The following INSRR variants were observed in gnomAD, a reference collection of about 807,000 sequenced individuals.
INSRR encodes the protein insulin receptor related receptor, also known as insulin receptor-related protein.
INSRR carries 114 observed loss-of-function variants against 130.0 expected under a neutral mutation model. The ratio of observed to expected loss-of-function variants is 0.88; its 90% confidence interval spans 0.75 to 1.02. INSRR has a LOEUF of 1.02. INSRR is among the 50% of genes least tolerant of loss of function. The pLI is 0.00. For synonymous variants in INSRR, 674 were observed against 705.2 expected, an observed-to-expected ratio of 0.96 and a Z score of 0.70; for missense variants, 1,657 against 1,735.2, an observed-to-expected ratio of 0.95 and a Z score of 0.80.
chr1:156,856,459 C>G, intron 1 of INSRR, among the ~76,000 whole-genome samples: 1 of 152,212 alleles, frequency 6.6e-6, no homozygotes, highest in East Asian at 1.9e-4. Flanking sequence ...TTCAGTTCCT[C>G]AGCCTGACAT....
chr1:156,851,672 C>T lies in INSRR; in HGVS notation c.1058G>A (p.Ser353Asn). The change falls in exon 4 of 22, where the codon AGC becomes AAC. Residue 353 changes from serine to asparagine, a missense_variant. By Grantham distance (46) the Ser-to-Asn change is conservative (BLOSUM62 1). Coordinates refer to ENST00000368195, the MANE Select transcript of INSRR (RefSeq NM_014215.3). ...DLVGCTHVEG[S>N]LILNLRQGYN... is the part of the protein sequence containing the mutation. ...GCCCTGGCGAAGGTTGAGGATGAGG[C>T]TTCCCTCCACATGCGTGCAGCCCAC... The T allele has an allele frequency of 6.2e-7, 1 of 1,614,220 alleles. No homozygotes were observed. Among genetic ancestry groups the T allele is most frequent in the South Asian group, 1.1e-5 (1 of 91,078 alleles).
intron 10 of INSRR, 70 bp from the exon 11 acceptor site, chr1:156,845,483 G>A: frequency 6.6e-7 from 1 of 1,508,152 alleles, no homozygotes; most frequent in Non-Finnish European, 8.8e-7. Context: ...AGCGCGTACC[G>A]CCTCCAAAAG....
chr1:156,852,690 G>A (rs530247319), intron 2 of INSRR, among the ~76,000 whole-genome samples: 1 of 152,352 alleles, frequency 6.6e-6, no homozygotes, highest in African/African-American at 2.4e-5. Flanking sequence ...AAGCAGCAGT[G>A]GGAGGGTTTG....
intron 5 of INSRR, among the ~76,000 whole-genome samples, chr1:156,850,534 CTT>C (rs35237064): frequency 3.4e-3 from 198 of 58,550 alleles, no homozygotes; most frequent in African/African-American, 0.01. Flanking sequence ...TTAAAACATT[CTT>C]TTTTTTTTTT....
At position 156,851,994 on chromosome 1, in the gene INSRR, G is replaced by A. The variant is rs150841787; in HGVS notation, c.835C>T (p.Arg279Cys). ...YESWRCVTAE[R>C]CASLHSVPGR... Reference sequence around the variant, plus strand: ...GGCACAGAGTGCAGGCTGGCACAGCGCTCAGCTGTGACACAGCGCCAGGAC... The same window carrying A: ...GGCACAGAGTGCAGGCTGGCACAGCACTCAGCTGTGACACAGCGCCAGGAC... The change falls in exon 3 of 22, where the codon CGC (arginine) becomes TGC (cysteine). Residue 279 changes from arginine to cysteine, a missense_variant. Physicochemically the swap from Arg to Cys is radical, Grantham distance 180. Transcript: ENST00000368195. The A allele has an allele frequency of 1.1e-4, 180 of 1,612,076 alleles. No homozygotes were observed. In the African/African-American group the frequency reaches 2.0e-3, roughly 18 times the overall value.
Position 156,845,400 on chromosome 1 carries a change from C to T in INSRR, c.2188G>A (p.Val730Met), listed in dbSNP as rs777770717. The T allele has an allele frequency of 3.2e-6, 5 of 1,562,666 alleles. No homozygotes were observed. Among genetic ancestry groups the T allele is most frequent in the Non-Finnish European group, 2.6e-6 (3 of 1,152,416 alleles). Residue 730 changes from valine (V) to methionine (M), a missense_variant, in exon 11 of 22, where the codon GTG (valine) becomes ATG (methionine). By Grantham distance (21) the Val-to-Met change is conservative. Transcript: ENST00000368195. ...AITIPISPWK[V>M]TSINKSPQRD... ...TGGGGGCTCTTGTTGATGGACGTCA[C>T]CTTCCAAGGGGATCTGGGGAGGCCA...
At chr1:156,853,404 C>T (rs1655296220) in intron 2 of INSRR, among the ~76,000 whole-genome samples, 1 of 152,208 alleles carries the variant, frequency 6.6e-6, no homozygotes, top group African/African-American at 2.4e-5. Context: ...AGTGGTAGAG[C>T]TGAGACTTGA....
At position 156,842,411 on chromosome 1, in the gene INSRR, C is replaced by T. The variant is rs779010804; in HGVS notation, c.3224G>A (p.Arg1075Gln). 3.8e-5 allele frequency: 62 copies of T among 1,613,900 alleles called. No homozygotes were observed. In the South Asian group the frequency reaches 4.3e-4, roughly 11 times the overall value. ...CCTGGTCCCTACCTCTGCCTCAGGC[C>T]GCAAAGATCGAAGATGGCTCTTGAG... Reference protein sequence around the residue: ...GDLKSHLRSLRPEAENNPGLP... With the variant: ...GDLKSHLRSLQPEAENNPGLP... The change falls in exon 18 of 22, where the codon CGG becomes CAG. Residue 1075 changes from arginine to glutamine, a missense_variant. By Grantham distance (43) the Arg-to-Gln change is conservative (BLOSUM62 1). Transcript: ENST00000368195.
Position 156,845,625 on chromosome 1 carries a change from A to C in INSRR, c.2168T>G (p.Ile723Ser). The C allele has an allele frequency of 2.2e-6, 3 of 1,391,754 alleles. No individual in the cohort carries two copies. The highest frequency in any genetic ancestry group is 1.9e-6 in the Non-Finnish European group (2 of 1,048,062). The allele number at this position is 1,391,754 out of a possible 1,614,324, so 86.2% of individuals were successfully genotyped here. ...FENFLHNAIT[I>S]PISPWKVTSI... ...CCGCGCGCGCTCTTCGCACATGGGG[A>C]TGGTGATCGCGTTGTGTAGAAAGTT... The change falls in exon 10 of 22, where the codon ATC becomes AGC. Residue 723 changes from isoleucine (I) to serine (S), a missense_variant. Transcript: ENST00000368195.
intron 8 of INSRR, 22 bp downstream of exon 8, chr1:156,846,497 C>G: frequency 6.3e-7 from 1 of 1,592,790 alleles, no homozygotes; most frequent in Non-Finnish European, 8.6e-7. Flanking sequence ...CTGACTGACT[C>G]TTGCACCCTC....
chr1:156,849,265 GGT>G lies in INSRR; in HGVS notation c.1423_1424del (p.Thr475GlnfsTer32). The G allele has an allele frequency of 6.2e-7, 1 of 1,613,940 alleles. No homozygotes were observed. Among genetic ancestry groups the G allele is most frequent in the Non-Finnish European group, 8.5e-7 (1 of 1,180,014 alleles). ...RQNKAEINPR[T>X]NGDRAACQTR... The stretch of plus-strand genomic sequence containing the variant: ...TCTCACAGGCGGCGCGGTCTCCGTT[GGT>G]GCGGGGGTTGATCTCAGCCTTGTTC... On this transcript the variant is annotated frameshift_variant, in exon 6 of 22. Coordinates refer to ENST00000368195, the MANE Select transcript of INSRR (RefSeq NM_014215.3). LOFTEE classifies it high-confidence loss of function.
rs1235100961 is a variant in INSRR, at chr1:156,858,538, C to T, written c.84G>A (p.Glu28=). The change falls in exon 1 of 22, where the codon GAG becomes GAA. Residue 28 remains glutamate, a splice_region_variant and synonymous_variant. Coordinates refer to ENST00000368195, the MANE Select transcript of INSRR (RefSeq NM_014215.3). The part of the protein sequence containing the change: ...LSLGFGLDTV[E]VCPSLDIRSE... ...TGGGAGCCAGTTCTGGGGACTCACC[C>T]TCTACTGTATCCAGGCCAAATCCCA... The T allele has an allele frequency of 3.7e-6, 6 of 1,613,384 alleles. No homozygotes were observed. The highest frequency in any genetic ancestry group is 2.7e-5 in the African/African-American group (2 of 74,894).
At chr1:156,856,368 A>G (rs908135440) in intron 1 of INSRR, among the ~76,000 whole-genome samples, 12 of 152,192 alleles carry the variant, frequency 7.9e-5, no homozygotes, top group African/African-American at 2.9e-4. Flanking sequence ...TGTCTCTCCC[A>G]GTCTTAAGGG....
intron 8 of INSRR, 30 bp from the exon 9 acceptor site, chr1:156,846,149 G>A (rs1654999870): frequency 6.5e-7 from 1 of 1,548,378 alleles, no homozygotes; most frequent in African/African-American, 1.4e-5. Context: ...GCAACTCAGG[G>A]GTGTGGGTCT....
chr1:156,841,515 C>G lies in INSRR; in HGVS notation c.3541G>C (p.Val1181Leu). Residue 1181 changes from valine to leucine, a missense_variant, in exon 21 of 22, where the codon GTA (valine) becomes CTA (leucine). Val to Leu is a conservative substitution (Grantham distance 32). Transcript: ENST00000368195. ...GCCAGGGTCACAATCTCCCAGAGTA[C>G]CACGCCAAAGGACCTGGGGGCATGC... ...THSDVWSFGV[V>L]LWEIVTLAEQ... 1.9e-6 allele frequency: 3 copies of G among 1,613,994 alleles called. No individual in the cohort carries two copies. Among genetic ancestry groups the G allele is most frequent in the Non-Finnish European group, 1.7e-6 (2 of 1,179,984 alleles).
Position 156,840,506 on chromosome 1 carries a change from G to A in INSRR, c.*367C>T, listed in dbSNP as rs149209931. The stretch of plus-strand genomic sequence containing the variant: ...TTGCTCATCTGATTTCAAACATGTC[G>A]CTGGCCCTACCTGTCCAGAGGAGAC... On this transcript the variant is annotated 3_prime_UTR_variant, in exon 22 of 22. Coordinates refer to ENST00000368195, the MANE Select transcript of INSRR (RefSeq NM_014215.3). The A allele has an allele frequency of 5.6e-4, 123 of 221,600 alleles. 2 individuals carry two copies. Among genetic ancestry groups the A allele is most frequent in the African/African-American group, 2.7e-3 (114 of 42,124 alleles). 13.7% of individuals were successfully genotyped at this position (221,600 alleles called of 1,614,324 possible).
In INSRR at chr1:156,843,182, C is replaced by T. The variant is rs370148974; in HGVS notation, c.2948G>A (p.Arg983Gln). ...EVPREQISIIRELGQGSFGMV... is the reference protein window; with the variant it reads ...EVPREQISIIQELGQGSFGMV... ...CCCAAAAGAGCCCTGGCCCAGTTCC[C>T]GGATTATCGAGATCTGCTCCCGAGG... The change falls in exon 17 of 22, where the codon CGG becomes CAG. Residue 983 changes from arginine (R) to glutamine (Q), a missense_variant. Coordinates refer to ENST00000368195, the MANE Select transcript of INSRR (RefSeq NM_014215.3). 102 of 1,614,082 alleles carry T rather than the reference C, an allele frequency of 6.3e-5. 1 individual carries two copies. The South Asian group carries it at 9.1e-4, about 14-fold the overall frequency.
Position 156,844,481 on chromosome 1 carries a change from G to C in INSRR, c.2718C>G (p.Ala906=), listed in dbSNP as rs768953728. 4 of 1,613,872 alleles carry C rather than the reference G, an allele frequency of 2.5e-6. No homozygotes were observed. Among genetic ancestry groups the C allele is most frequent in the Non-Finnish European group, 3.4e-6 (4 of 1,179,972 alleles). The change falls in exon 14 of 22, where the codon GCC becomes GCG. Residue 906 remains alanine, a synonymous_variant. Transcript: ENST00000368195. Reference sequence around the variant, plus strand: ...GTATACCTGGGCCAAGGATGTAGAAGGCAACACTGTCTGTCCAAGAGCCAT... The same window carrying C: ...GTATACCTGGGCCAAGGATGTAGAACGCAACACTGTCTGTCCAAGAGCCAT... ...AGNGSWTDSV[A]FYILGPEEED... is the part of the protein sequence containing the mutation.
At position 156,842,469 on chromosome 1, in the gene INSRR, G is replaced by C. The variant is rs758441295; in HGVS notation, c.3166C>G (p.Leu1056Val). ...LGVVSQGQPT[L>V]VIMELMTRGD... The stretch of plus-strand genomic sequence containing the variant: ...CGGGTCATTAACTCCATGATGACCA[G>C]AGTTGGCTGGCCCTGAGATACCACA... The change falls in exon 18 of 22, where the codon CTG becomes GTG. Residue 1056 changes from leucine (L) to valine (V), a missense_variant. Physicochemically the swap from Leu to Val is conservative, Grantham distance 32. Transcript: ENST00000368195. The C allele has an allele frequency of 6.8e-6, 11 of 1,614,026 alleles. No individual in the cohort carries two copies. In the Admixed American group the frequency reaches 1.3e-4, roughly 20 times the overall value.
Sources: gnomAD v4.1 joint callset for allele counts (sites outside exome capture counted in the v4.1 genomes callset) on GRCh38, gnomAD v4.1.1 for gene constraint, MANE v1.5 for transcripts, NCBI Gene and HGNC (gene_info 2026-07-23, HGNC 2026-07-21) for gene names.